The following CLSTN1 variants were observed in gnomAD, a reference collection of about 807,000 sequenced individuals.
CLSTN1 encodes the protein calsyntenin-1.
In CLSTN1, 28 loss-of-function variants were observed where a neutral mutation model predicts 108.3. That is an observed-to-expected ratio of 0.26 (90% confidence interval 0.19 to 0.35). The LOEUF (loss-of-function observed/expected upper bound fraction) is 0.35. Among genes scored for constraint, CLSTN1 ranks in the 10% least tolerant of loss-of-function variants. CLSTN1 has a pLI of 1.00. For missense variants in CLSTN1, 1,157 were observed against 1,302.6 expected (o/e 0.89, Z 1.72); for synonymous variants, 524 against 534.9 (o/e 0.98, Z 0.28).
Position 9,743,865 on chromosome 1 carries a change from G to A in CLSTN1, c.1356+19C>T. Reference sequence around the variant, plus strand: ...GAGCACCTTGCCCGGCCCTATTAGTGCGTTTTCAATTCACTCACCTGATTC... The same window carrying A: ...GAGCACCTTGCCCGGCCCTATTAGTACGTTTTCAATTCACTCACCTGATTC... On this transcript the variant is annotated intron_variant, in intron 9 of 18. Transcript: ENST00000377298. 1 of 1,613,450 alleles carries A rather than the reference G, an allele frequency of 6.2e-7. No individual in the cohort carries two copies. Among genetic ancestry groups the A allele is most frequent in the Non-Finnish European group, 8.5e-7 (1 of 1,179,666 alleles).
At chr1:9,772,277 C>T (rs1472153883) in intron 2 of CLSTN1, among the ~76,000 whole-genome samples, 5 of 151,176 alleles carry the variant, frequency 3.3e-5, no homozygotes, top group East Asian at 2.0e-4. Flanking sequence ...CCACTGTGCC[C>T]GGCCAGAACA....
chr1:9,780,998 A>G, intron 1 of CLSTN1: 1 of 481,874 alleles, frequency 2.1e-6, no homozygotes, highest in Non-Finnish European at 3.7e-6. Context: ...GTCGGTGCTT[A>G]AAAAGTTTCG....
intron 9 of CLSTN1, among the ~76,000 whole-genome samples, chr1:9,742,100 A>G (rs1157991399): frequency 3.3e-5 from 5 of 152,168 alleles, no homozygotes; most frequent in African/African-American, 7.2e-5. Flanking sequence ...GCCAGCTGCA[A>G]TGGGCCCTTA....
intron 1 of CLSTN1, among the ~76,000 whole-genome samples, chr1:9,822,439 C>G (rs1051048603): frequency 1.3e-5 from 2 of 152,096 alleles, no homozygotes; most frequent in African/African-American, 4.8e-5. Flanking sequence ...CCTTATGTCA[C>G]GCCAGGGAAG....
chr1:9,818,255 C>T (rs1655053953), intron 1 of CLSTN1, among the ~76,000 whole-genome samples: 1 of 151,676 alleles, frequency 6.6e-6, no homozygotes, highest in South Asian at 2.1e-4. Flanking sequence ...AGCAGTTCAC[C>T]CATCTTGGCC....
At chr1:9,811,451 A>G (rs544534937) in intron 1 of CLSTN1, among the ~76,000 whole-genome samples, 3 of 152,266 alleles carry the variant, frequency 2.0e-5, no homozygotes, top group East Asian at 3.9e-4. Flanking sequence ...GCTGGTATCA[A>G]TGGATATTTA....
intron 2 of CLSTN1, among the ~76,000 whole-genome samples, chr1:9,758,459 G>A (rs558496308): frequency 2.6e-4 from 40 of 151,886 alleles, no homozygotes; most frequent in African/African-American, 9.2e-4. Context: ...GATTACAGGC[G>A]CCTGCCACCA....
chr1:9,814,031 G>C lies in CLSTN1; in HGVS notation c.91+9612C>G, dbSNP rs1365079442. Among the ~76,000 whole-genome samples, 5 of 152,016 alleles carry C rather than the reference G, an allele frequency of 3.3e-5. No individual in the cohort carries two copies. The South Asian group carries it at 1.0e-3, about 32-fold the overall frequency. On this transcript the variant is annotated intron_variant, in intron 1 of 18. Coordinates refer to ENST00000377298, the MANE Select transcript of CLSTN1 (RefSeq NM_001009566.3). ...GCAGGAGAATGGCATGAACCTGGGA[G>C]AAGGAGCTTGCAGTGAGCCAAGATC... is the stretch of plus-strand genomic sequence containing the variant.
At chr1:9,819,192 C>T (rs554386975) in intron 1 of CLSTN1, among the ~76,000 whole-genome samples, 29 of 152,132 alleles carry the variant, frequency 1.9e-4, no homozygotes, top group African/African-American at 7.0e-4. Flanking sequence ...AGACTCTTGG[C>T]GGTTTTTTAG....
intron 2 of CLSTN1, among the ~76,000 whole-genome samples, chr1:9,768,412 C>A (rs1429872483): frequency 2.8e-5 from 1 of 36,148 alleles, no homozygotes; most frequent in Non-Finnish European, 5.3e-5. Flanking sequence ...TGGGCGGCAC[C>A]GGGGGGCGGG....
intron 1 of CLSTN1, among the ~76,000 whole-genome samples, chr1:9,782,559 A>G (rs1483467513): frequency 6.6e-6 from 1 of 152,248 alleles, no homozygotes; most frequent in African/African-American, 2.4e-5. Flanking sequence ...TCATTTCAGG[A>G]TATGACTCAT....
chr1:9,774,810 G>A (rs987881945), intron 1 of CLSTN1, among the ~76,000 whole-genome samples: 4 of 152,116 alleles, frequency 2.6e-5, no homozygotes, highest in Non-Finnish European at 5.9e-5. Flanking sequence ...CACAGGCAGA[G>A]CAGCCCTGAG....
At chr1:9,755,412 A>T in intron 3 of CLSTN1, 103 bp from the exon 4 acceptor site, 2 of 1,012,262 alleles carry the variant, frequency 2.0e-6, no homozygotes, top group Middle Eastern at 3.2e-4. Flanking sequence ...AAATGACAAC[A>T]ATTTGGCAGC....
rs1654919688 is a variant in CLSTN1 at position 9,815,144 on chromosome 1, A to T, written c.91+8499T>A. On this transcript the variant is annotated intron_variant, in intron 1 of 18. Transcript: ENST00000377298. ...TGCTCTCAGTCTCTCTTAATGTGTG[A>T]GGTGGTAAAAACAACAGACTGTAGG... 2.6e-5 allele frequency among the ~76,000 whole-genome samples: 4 copies of T among 152,206 alleles called. No individual in the cohort carries two copies. In the South Asian group the frequency reaches 8.3e-4, roughly 32 times the overall value.
intron 1 of CLSTN1, among the ~76,000 whole-genome samples, chr1:9,783,819 C>T (rs1208631608): frequency 3.3e-5 from 5 of 152,136 alleles, no homozygotes; most frequent in Non-Finnish European, 7.3e-5. Flanking sequence ...ATGGTGAAAC[C>T]CTGTCTCTAC....
At chr1:9,766,206 C>A (rs1652321764) in intron 2 of CLSTN1, among the ~76,000 whole-genome samples, 1 of 152,014 alleles carries the variant, frequency 6.6e-6, no homozygotes, top group African/African-American at 2.4e-5. Flanking sequence ...AAAGAGATTG[C>A]TAGAACACCA....
In CLSTN1 at chr1:9,730,079, T is replaced by A. The variant is rs1321863345; in HGVS notation, c.*429A>T. 1.9e-5 allele frequency: 4 copies of A among 206,674 alleles called. No individual in the cohort carries two copies. The highest frequency in any genetic ancestry group is 3.0e-5 in the Non-Finnish European group (3 of 99,180). 12.8% of individuals were successfully genotyped at this position (206,674 alleles called of 1,614,324 possible). A position where few individuals can be genotyped will look rare whatever the true frequency, so the allele number is the denominator to read the frequency against. The stretch of plus-strand genomic sequence containing the variant: ...TGCCATTATTTATACATGCACTAGT[T>A]TGGAAAAAATAAAAACTTTTTTTAA... On this transcript the variant is annotated 3_prime_UTR_variant, in exon 19 of 19. Transcript: ENST00000377298. The surrounding 1 kb of genome is among the most constrained non-coding windows in gnomAD (Gnocchi z 5.6).
intron 1 of CLSTN1, among the ~76,000 whole-genome samples, chr1:9,781,781 C>T (rs137862516): frequency 6.6e-6 from 1 of 151,972 alleles, no homozygotes; most frequent in Non-Finnish European, 1.5e-5. Context: ...TTCCACATCG[C>T]CATGTTCATA....
At chr1:9,808,986 C>T (rs1032556439) in intron 1 of CLSTN1, among the ~76,000 whole-genome samples, 2 of 152,108 alleles carry the variant, frequency 1.3e-5, no homozygotes, top group Non-Finnish European at 2.9e-5. Context: ...TAAGCAACAA[C>T]CAGATTTGGC....
Sources: gnomAD v4.1 joint callset for allele counts (sites outside exome capture counted in the v4.1 genomes callset) on GRCh38, gnomAD v4.1.1 for gene constraint, Gnocchi (gnomAD v3.1) non-coding constraint, MANE v1.5 for transcripts, NCBI Gene and HGNC (gene_info 2026-07-23, HGNC 2026-07-21) for gene names.